The following PCDHGA11 variants were observed in gnomAD, a reference collection of about 807,000 sequenced individuals.
PCDHGA11 encodes the protein protocadherin gamma-A11.
PCDHGA11 carries 39 observed loss-of-function variants against 60.4 expected under a neutral mutation model. That is an observed-to-expected ratio of 0.65 (90% CI 0.50 to 0.84). The LOEUF (loss-of-function observed/expected upper bound fraction) is 0.84. PCDHGA11 is among the 40% of genes least tolerant of loss of function. The pLI is 0.00. For synonymous variants in PCDHGA11, 533 were observed against 510.3 expected (o/e 1.04, Z -0.60); for missense variants, 1,165 against 1,197.7 (o/e 0.97, Z 0.40).
At chr5:141,429,912 A>G (rs1341795921) in intron 1 of PCDHGA11, among the ~76,000 whole-genome samples, 2 of 152,234 alleles carry the variant, frequency 1.3e-5, no homozygotes, top group Admixed American at 1.3e-4. Flanking sequence ...TTGAAATATA[A>G]TGTATTAATA....
rs192631651 is a variant in PCDHGA11 at position 141,432,052 on chromosome 5, C to T, written c.2433+8392C>T. On this transcript the variant is annotated intron_variant, in intron 1 of 3. Transcript: ENST00000398587. This position sits in a 1 kb window ranked among gnomAD's most constrained non-coding sequence, Gnocchi z 6.0. ...CCGCCACTGACCGGGGAACCCCGCC[C>T]CTATCCACGGAAACTCATATCTCGC... is the stretch of plus-strand genomic sequence containing the variant. The T allele has an allele frequency of 1.2e-6, 2 of 1,614,108 alleles. No individual in the cohort carries two copies. The highest frequency in any genetic ancestry group is 1.3e-5 in the African/African-American group (1 of 74,930).
chr5:141,439,673 C>G (rs1468476569), intron 1 of PCDHGA11, among the ~76,000 whole-genome samples: 1 of 152,174 alleles, frequency 6.6e-6, no homozygotes, highest in Non-Finnish European at 1.5e-5. Flanking sequence ...AATGCAAATC[C>G]AAGAGCAGAC....
Position 141,476,383 on chromosome 5 carries a change from C to T in PCDHGA11, c.2434-18424C>T, listed in dbSNP as rs547854431. The T allele has an allele frequency of 6.2e-7, 1 of 1,613,984 alleles. No homozygotes were observed. The highest frequency in any genetic ancestry group is 8.5e-7 in the Non-Finnish European group (1 of 1,180,044). On this transcript the variant is annotated intron_variant, in intron 1 of 3. Coordinates refer to ENST00000398587, the MANE Select transcript of PCDHGA11 (RefSeq NM_018914.3). This position sits in a 1 kb window ranked among gnomAD's most constrained non-coding sequence, Gnocchi z 7.6. ...GGGAGACCGGAGAGATGTTTGTGAA[C>T]GACCGTCTGGATCGAGAGGAGCTGT...
intron 1 of PCDHGA11, among the ~76,000 whole-genome samples, chr5:141,454,985 A>G (rs1292477757): frequency 1.3e-5 from 2 of 150,314 alleles, no homozygotes; most frequent in African/African-American, 4.9e-5. Context: ...TTTTTTAAAA[A>G]ATATTTTTAG....
chr5:141,502,900 T>C (rs1433421797), intron 2 of PCDHGA11, among the ~76,000 whole-genome samples: 2 of 147,288 alleles, frequency 1.4e-5, no homozygotes, highest in Non-Finnish European at 3.0e-5. Flanking sequence ...TCTAGCTCTG[T>C]TGCCAGGCTG....
At position 141,430,831 on chromosome 5, in the gene PCDHGA11, G is replaced by A; in HGVS notation, c.2433+7171G>A. ...TGGGAATCCTCCTGGGGACTCTGTGGGAGACCGGATGCACCCAGATACGCT... is the reference window on the plus strand; with the variant it reads ...TGGGAATCCTCCTGGGGACTCTGTGAGAGACCGGATGCACCCAGATACGCT... On this transcript the variant is annotated intron_variant, in intron 1 of 3. Coordinates refer to ENST00000398587, the MANE Select transcript of PCDHGA11 (RefSeq NM_018914.3). 3 of 1,555,334 alleles carry A rather than the reference G, an allele frequency of 1.9e-6. No individual in the cohort carries two copies. In the South Asian group the frequency reaches 3.8e-5, roughly 19 times the overall value.
intron 1 of PCDHGA11, chr5:141,430,857 A>G: frequency 1.3e-6 from 2 of 1,591,432 alleles, no homozygotes; most frequent in Non-Finnish European, 1.7e-6. Flanking sequence ...CAGATACGCT[A>G]TTCAGTTCCG....
intron 1 of PCDHGA11, chr5:141,424,160 C>A (rs187420643): frequency 6.3e-4 from 172 of 273,324 alleles, no homozygotes; most frequent in South Asian, 2.2e-3. Flanking sequence ...CTCTCCTTCT[C>A]ATCTATCTAT....
rs1393466157 is a variant in PCDHGA11, at chr5:141,422,266, G to A, written c.1039G>A (p.Glu347Lys). 6.4e-7 allele frequency: 1 copy of A among 1,563,654 alleles called. No individual in the cohort carries two copies. The highest frequency in any genetic ancestry group is 8.6e-7 in the Non-Finnish European group (1 of 1,160,966). Residue 347 changes from glutamate (E) to lysine (K), a missense_variant, in exon 1 of 4, where the codon GAA (glutamate) becomes AAA (lysine). Physicochemically the swap from Glu to Lys is moderately conservative, Grantham distance 56 (BLOSUM62 1). Transcript: ENST00000398587. ...TVVDVNDNAP[E>K]ITITSSINSI... The stretch of plus-strand genomic sequence containing the variant: ...TGTGGATGTGAATGATAACGCTCCA[G>A]AAATAACTATCACCTCTTCTATTAA...
rs965707754 is a variant in PCDHGA11 at position 141,505,329 on chromosome 5, G to A, written c.2493-64G>A. On this transcript the variant is annotated intron_variant, in intron 2 of 3. Coordinates refer to ENST00000398587, the MANE Select transcript of PCDHGA11 (RefSeq NM_018914.3). ...ACTAGGTTTGGGAGCCCTGGGAGAG[G>A]ACAGGAGGGGCATGAGCTGTGCCGG... is the stretch of plus-strand genomic sequence containing the variant. The A allele has an allele frequency of 2.5e-6, 4 of 1,610,060 alleles. No individual in the cohort carries two copies. The African/African-American group carries it at 5.3e-5, about 22-fold the overall frequency.
At chr5:141,430,586 C>G in intron 1 of PCDHGA11, 1 of 517,248 alleles carries the variant, frequency 1.9e-6, no homozygotes, top group Non-Finnish European at 3.1e-6. Context: ...TCCTGCTCGC[C>G]TTGCACGCGC....
intron 1 of PCDHGA11, chr5:141,433,307 C>T (rs982853368): frequency 2.2e-6 from 2 of 913,640 alleles, no homozygotes; most frequent in Admixed American, 2.7e-5. Context: ...AATTATCCCA[C>T]CTTTGCCTCC....
At position 141,487,636 on chromosome 5, in the gene PCDHGA11, A is replaced by G. The variant is rs780468230; in HGVS notation, c.2434-7171A>G. 3 of 1,614,192 alleles carry G rather than the reference A, an allele frequency of 1.9e-6. No homozygotes were observed. Among genetic ancestry groups the G allele is most frequent in the Non-Finnish European group, 1.7e-6 (2 of 1,180,030 alleles). Reference sequence around the variant, plus strand: ...TAGAGGTGAGACCTTTGCAGGCTCAACAAATGCTTGAGGGTTATTCTGATC... The same window carrying G: ...TAGAGGTGAGACCTTTGCAGGCTCAGCAAATGCTTGAGGGTTATTCTGATC... On this transcript the variant is annotated intron_variant, in intron 1 of 3. Transcript: ENST00000398587. This position sits in a 1 kb window ranked among gnomAD's most constrained non-coding sequence, Gnocchi z 5.0.
chr5:141,478,246 C>T (rs1305046488), intron 1 of PCDHGA11: 1 of 1,614,100 alleles, frequency 6.2e-7, no homozygotes, highest in Admixed American at 1.7e-5. Context: ...TCACAGTGTT[C>T]GGAGTAATCA....
intron 1 of PCDHGA11, among the ~76,000 whole-genome samples, chr5:141,438,587 CATACATATAT>C (rs1422309749): frequency 6.8e-5 from 5 of 73,430 alleles, no homozygotes; most frequent in South Asian, 5.1e-4. Context: ...TACATACATA[CATACATATAT>C]ATATATATAT....
chr5:141,469,036 G>T (rs1396748159), intron 1 of PCDHGA11, among the ~76,000 whole-genome samples: 2 of 152,076 alleles, frequency 1.3e-5, no homozygotes, highest in Non-Finnish European at 2.9e-5. Flanking sequence ...CAGCACTTTG[G>T]GAGGCCAAGG....
At position 141,491,904 on chromosome 5, in the gene PCDHGA11, G is replaced by C; in HGVS notation, c.2434-2903G>C. The C allele has an allele frequency of 7.0e-7, 1 of 1,423,838 alleles. No individual in the cohort carries two copies. The allele number at this position is 1,423,838 out of a possible 1,614,324, so 88.2% of individuals were successfully genotyped here. ...GGATGGGGCTCCGAGCACCGGGGGT[G>C]GTGGCGACTGTGGGCGAGGGGAGGT... On this transcript the variant is annotated intron_variant, in intron 1 of 3. Coordinates refer to ENST00000398587, the MANE Select transcript of PCDHGA11 (RefSeq NM_018914.3). This position sits in a 1 kb window ranked among gnomAD's most constrained non-coding sequence, Gnocchi z 6.9.
At position 141,431,684 on chromosome 5, in the gene PCDHGA11, C is replaced by A. The variant is rs1017231854; in HGVS notation, c.2433+8024C>A. On this transcript the variant is annotated intron_variant, in intron 1 of 3. Transcript: ENST00000398587. This position sits in a 1 kb window ranked among gnomAD's most constrained non-coding sequence, Gnocchi z 4.8. Reference sequence around the variant, plus strand: ...AATATCAACAATAGGGGAGTTGGACCACGAGGAGTCAGGATTCTACCAGAT... The same window carrying A: ...AATATCAACAATAGGGGAGTTGGACAACGAGGAGTCAGGATTCTACCAGAT... The A allele has an allele frequency of 1.9e-6, 3 of 1,614,186 alleles. No homozygotes were observed. Among genetic ancestry groups the A allele is most frequent in the Admixed American group, 1.7e-5 (1 of 60,032 alleles).
intron 1 of PCDHGA11, among the ~76,000 whole-genome samples, chr5:141,456,244 T>C (rs1382294283): frequency 6.6e-6 from 1 of 152,144 alleles, no homozygotes; most frequent in East Asian, 1.9e-4. Context: ...GTTAGGAGGC[T>C]TTGGGCGACC....
Sources: allele counts gnomAD v4.1 joint callset (sites outside exome capture counted in the v4.1 genomes callset), GRCh38; gene constraint gnomAD v4.1.1; non-coding constraint Gnocchi (gnomAD v3.1); transcripts MANE v1.5; gene names NCBI Gene and HGNC (gene_info 2026-07-23, HGNC 2026-07-21).